Variants in GPHN observed in about 807,000 individuals in gnomAD.
GPHN encodes the protein gephyrin.
In GPHN, 17 loss-of-function variants were observed where a neutral mutation model predicts 95.5. The ratio of observed to expected loss-of-function variants is 0.18; its 90% CI spans 0.12 to 0.27. The LOEUF is 0.27. Among genes scored for constraint, GPHN ranks in the 10% least tolerant of loss-of-function variants. GPHN has a pLI of 1.00. For synonymous variants in GPHN, 320 were observed against 322.5 expected (o/e 0.99, Z 0.08); for missense variants, 660 against 978.1 (o/e 0.67, Z 4.34).
chr14:67,340,754 A>T, the GPHN span, among the ~76,000 whole-genome samples: 29 of 151,748 alleles, frequency 1.9e-4, no homozygotes, highest in East Asian at 5.7e-3. Flanking sequence ...CTGCCATCTC[A>T]GCTCACTGCA....
At chr14:67,273,470 G>T in the GPHN span, among the ~76,000 whole-genome samples, 14 of 152,142 alleles carry the variant, frequency 9.2e-5, no homozygotes, top group Non-Finnish European at 1.6e-4. Context: ...TTTTATGGCT[G>T]CATAGTATTC....
chr14:67,499,301 A>G, the GPHN span, among the ~76,000 whole-genome samples: 2 of 152,156 alleles, frequency 1.3e-5, no homozygotes, highest in Non-Finnish European at 2.9e-5. Flanking sequence ...ACTGTGCCCC[A>G]CTAATGGTCT....
At chr14:66,956,060 AAT>A (rs2068486822) in intron 8 of GPHN, among the ~76,000 whole-genome samples, 1 of 152,090 alleles carries the variant, frequency 6.6e-6, no homozygotes, top group Non-Finnish European at 1.5e-5. Flanking sequence ...TGATTCTTTC[AAT>A]GTTTTTGTGT....
At chr14:66,856,716 A>AATATG (rs2062816035) in intron 4 of GPHN, among the ~76,000 whole-genome samples, 1 of 152,072 alleles carries the variant, frequency 6.6e-6, no homozygotes, top group Admixed American at 6.5e-5. Context: ...ATATTGAAAT[A>AATATG]ATATGCAAAA....
chr14:66,867,912 A>G (rs993208704), intron 4 of GPHN, among the ~76,000 whole-genome samples: 5 of 152,164 alleles, frequency 3.3e-5, no homozygotes, highest in African/African-American at 1.2e-4. Flanking sequence ...GTCACCTGGA[A>G]ACTTGATAGA....
chr14:67,124,729 A>G (rs1442018162), intron 17 of GPHN, among the ~76,000 whole-genome samples: 1 of 152,210 alleles, frequency 6.6e-6, no homozygotes, highest in African/African-American at 2.4e-5. Context: ...AAGAAATAGT[A>G]TAAGGAAAAA....
chr14:66,942,065 G>A (rs1183412624), intron 8 of GPHN, among the ~76,000 whole-genome samples: 1 of 152,202 alleles, frequency 6.6e-6, no homozygotes, highest in Non-Finnish European at 1.5e-5. Context: ...AAGCTGGAGT[G>A]CAATGGCATG....
At chr14:67,140,466 C>G (rs915065049) in intron 17 of GPHN, among the ~76,000 whole-genome samples, 2 of 152,070 alleles carry the variant, frequency 1.3e-5, no homozygotes, top group African/African-American at 4.8e-5. Flanking sequence ...CTTTATCCCC[C>G]TACAGAGATG....
At chr14:66,996,352 AAGGGGGAAAATTCACCTGTTTT>A (rs2071794615) in intron 9 of GPHN, 1 of 643,676 alleles carries the variant, frequency 1.6e-6, no homozygotes, top group African/African-American at 1.8e-5. Flanking sequence ...GAGGATACCA[AAGGGGGAAAATTCACCTGTTTT>A]AGGGGGAAAT....
the GPHN span, chr14:67,559,630 C>A: frequency 1.2e-6 from 2 of 1,602,014 alleles, no homozygotes; most frequent in East Asian, 2.2e-5. Context: ...GCAGAGGAAG[C>A]AAAAACTGTT....
the GPHN span, among the ~76,000 whole-genome samples, chr14:67,257,677 AACAT>A: frequency 6.6e-6 from 1 of 152,194 alleles, no homozygotes; most frequent in African/African-American, 2.4e-5. Flanking sequence ...ATGTATATAT[AACAT>A]ACAGCCTATT....
the GPHN span, among the ~76,000 whole-genome samples, chr14:67,238,378 C>T: frequency 6.6e-6 from 1 of 151,346 alleles, no homozygotes; most frequent in Non-Finnish European, 1.5e-5. Flanking sequence ...AAGGGATCCT[C>T]CCATCTCAGC....
chr14:67,337,428 C>G, the GPHN span: 1 of 151,880 alleles, frequency 6.6e-6, no homozygotes, highest in East Asian at 1.9e-4. Context: ...AGGAGAATCT[C>G]TTGAATTGAG....
At chr14:66,763,484 G>T (rs970583166) in intron 2 of GPHN, among the ~76,000 whole-genome samples, 1 of 145,484 alleles carries the variant, frequency 6.9e-6, no homozygotes, top group Non-Finnish European at 1.5e-5. Context: ...AGTGAGAATA[G>T]GCGGTGTTTG....
Position 66,804,692 on chromosome 14 carries a change from C to T in GPHN, c.202-19782C>T, listed in dbSNP as rs999593146. ...TTGGTAGGAAAAGCTGGACATTATC[C>T]GTTTTACTCTGGAAAGTTTCCTCCT... is the stretch of plus-strand genomic sequence containing the variant. On this transcript the variant is annotated intron_variant, in intron 3 of 22. Coordinates refer to ENST00000478722, the MANE Select transcript of GPHN (RefSeq NM_020806.5). Among the ~76,000 whole-genome samples, 5 of 152,140 alleles carry T rather than the reference C, an allele frequency of 3.3e-5. No homozygotes were observed. In the South Asian group the frequency reaches 8.3e-4, roughly 25 times the overall value.
downstream of GPHN, among the ~76,000 whole-genome samples, chr14:67,184,403 G>A (rs1335808789): frequency 6.6e-6 from 1 of 152,176 alleles, no homozygotes; most frequent in East Asian, 1.9e-4. Flanking sequence ...AAACAAGTGA[G>A]AGACACCAGT....
chr14:67,279,103 G>T, the GPHN span: 4 of 1,375,414 alleles, frequency 2.9e-6, no homozygotes, highest in Non-Finnish European at 2.9e-6. Flanking sequence ...TTATACTACA[G>T]AATCAAGAGA....
chr14:67,089,155 T>TTTTTTTTTTTTTTTTTTTTTTG, intron 12 of GPHN, 80 bp downstream of exon 12: 1 of 499,026 alleles, frequency 2.0e-6, no homozygotes, highest in Non-Finnish European at 3.6e-6. Context: ...TTTTTTTTTT[T>TTTTTTTTTTTTTTTTTTTTTTG]TTTCAAATTT....
the GPHN span, chr14:67,685,318 C>G: frequency 1.3e-6 from 1 of 759,808 alleles, no homozygotes; most frequent in East Asian, 2.7e-5. Context: ...CTCTTTTGCC[C>G]ATGGTGACAT....
Sources: allele counts gnomAD v4.1 joint callset (sites outside exome capture counted in the v4.1 genomes callset), GRCh38; gene constraint gnomAD v4.1.1; transcripts MANE v1.5; gene names NCBI Gene and HGNC (gene_info 2026-07-23, HGNC 2026-07-21).